ZMYM2: variants seen among roughly 807,000 people sequenced by gnomAD.
The protein encoded by ZMYM2 is zinc finger MYM-type containing 2, also known as zinc finger MYM-type protein 2.
ZMYM2 carries 56 observed loss-of-function variants against 162.8 expected under a neutral mutation model. The observed-to-expected ratio is 0.34, with a 90% CI of 0.28 to 0.43. ZMYM2 has a LOEUF of 0.43. Ranked by LOEUF, ZMYM2 falls within the 20% of genes least tolerant of loss-of-function variation. The pLI, the probability that ZMYM2 is intolerant of heterozygous loss-of-function variation, is 1.00. For missense variants in ZMYM2, 1,275 were observed against 1,621.8 expected (o/e 0.79, Z 3.67); for synonymous variants, 510 against 541.6 (o/e 0.94, Z 0.81).
chr13:19,954,406 G>A (rs367894360), upstream of ZMYM2, among the ~76,000 whole-genome samples: 29 of 151,874 alleles, frequency 1.9e-4, no homozygotes, highest in East Asian at 1.6e-3. Flanking sequence ...ATGAGCCACC[G>A]CGCCTGGCCT....
intron 12 of ZMYM2, among the ~76,000 whole-genome samples, chr13:20,040,230 G>T (rs180831602): frequency 1.3e-5 from 2 of 152,064 alleles, no homozygotes; most frequent in Admixed American, 1.3e-4. Context: ...ACTTTTTTTG[G>T]TTGGTAGGGT....
chr13:20,058,196 A>G (rs1380548765), intron 14 of ZMYM2, among the ~76,000 whole-genome samples: 1 of 152,224 alleles, frequency 6.6e-6, no homozygotes, highest in Non-Finnish European at 1.5e-5. Context: ...GAGAGCCATA[A>G]TAACTGTTGG....
chr13:20,083,668 C>T lies in ZMYM2; in HGVS notation c.3833C>T (p.Thr1278Ile). ...CGTDNEDKITTGKRKHEDDEP... is the reference protein window; with the variant it reads ...CGTDNEDKITIGKRKHEDDEP... ...TTTATTTTTTAAGATAAAATTACTA[C>T]TGGAAAAAGAAAACATGAAGATGAT... is the stretch of plus-strand genomic sequence containing the variant. Residue 1278 changes from threonine to isoleucine, a missense_variant, in exon 24 of 25, where the codon ACT (threonine) becomes ATT (isoleucine). By Grantham distance (89) the Thr-to-Ile change is moderately conservative. Coordinates refer to ENST00000610343, the MANE Select transcript of ZMYM2 (RefSeq NM_197968.4). 1 of 1,533,204 alleles carries T rather than the reference C, an allele frequency of 6.5e-7. No homozygotes were observed. The highest frequency in any genetic ancestry group is 8.9e-7 in the Non-Finnish European group (1 of 1,127,432). 95.0% of individuals were successfully genotyped at this position (1,533,204 alleles called of 1,614,324 possible). A position where few individuals can be genotyped will look rare whatever the true frequency, so the allele number is the denominator to read the frequency against.
chr13:20,034,350 ACT>A lies in ZMYM2; in HGVS notation c.2068_2069del (p.Leu690SerfsTer2), dbSNP rs1474114489. The A allele has an allele frequency of 6.2e-7, 1 of 1,610,188 alleles. No homozygotes were observed. Among genetic ancestry groups the A allele is most frequent in the Non-Finnish European group, 8.5e-7 (1 of 1,178,690 alleles). ...TYCEYCQEEK[T>X]LHETVNFSGV... ...TTGCGAATACTGTCAAGAGGAGAAG[ACT>A]CTTCATGAAACAGTAAATTTCTCTG... is the stretch of plus-strand genomic sequence containing the variant. On this transcript the variant is annotated frameshift_variant, in exon 11 of 25. Transcript: ENST00000610343. LOFTEE classifies it high-confidence loss of function.
intron 2 of ZMYM2, among the ~76,000 whole-genome samples, chr13:19,969,038 C>T (rs1014862567): frequency 5.9e-5 from 9 of 152,124 alleles, no homozygotes; most frequent in Admixed American, 2.0e-4. Flanking sequence ...TATCTTTATG[C>T]AGTAAGAAAT....
chr13:19,903,619 G>A, the ZMYM2 span, among the ~76,000 whole-genome samples: 2 of 151,496 alleles, frequency 1.3e-5, no homozygotes, highest in African/African-American at 4.8e-5. Flanking sequence ...TATAATCCTA[G>A]CACTTTGGGA....
intron 6 of ZMYM2, among the ~76,000 whole-genome samples, chr13:20,008,074 A>G (rs920315685): frequency 6.6e-5 from 10 of 152,234 alleles, no homozygotes; most frequent in African/African-American, 2.4e-4. Flanking sequence ...ATAGGTGAGT[A>G]GACTACAATT....
chr13:19,872,769 C>T, the ZMYM2 span, among the ~76,000 whole-genome samples: 71 of 152,166 alleles, frequency 4.7e-4, 1 homozygote, highest in African/African-American at 1.6e-3. Context: ...GAGGCTGAGT[C>T]GGGTAGATCA....
Position 19,994,646 on chromosome 13 carries a change from C to T in ZMYM2, c.847+727C>T, listed in dbSNP as rs148358365. 1.6e-3 allele frequency among the ~76,000 whole-genome samples: 247 copies of T among 152,080 alleles called. 1 individual carries two copies. The Middle Eastern group carries it at 0.017, about 11-fold the overall frequency. ...CTGGGATTATAGGCGTCCACCACCA[C>T]GCATGGCTAATTTTTGTATTTTGTA... On this transcript the variant is annotated intron_variant, in intron 3 of 24. Transcript: ENST00000610343.
chr13:19,954,330 G>GCGTTAGCCAGGA (rs1954474779), upstream of ZMYM2, among the ~76,000 whole-genome samples: 1 of 150,942 alleles, frequency 6.6e-6, no homozygotes, highest in South Asian at 2.1e-4. Flanking sequence ...GGGTTTCACC[G>GCGTTAGCCAGGA]TGGTCTCGAT....
chr13:19,995,568 G>A (rs557934530), intron 3 of ZMYM2, among the ~76,000 whole-genome samples: 63 of 152,110 alleles, frequency 4.1e-4, no homozygotes, highest in African/African-American at 1.5e-3. Flanking sequence ...TAGTAGAGAC[G>A]GGGTTTCACC....
intron 2 of ZMYM2, among the ~76,000 whole-genome samples, chr13:19,988,998 A>G (rs1391594592): frequency 6.6e-6 from 1 of 152,146 alleles, no homozygotes; most frequent in Non-Finnish European, 1.5e-5. Context: ...AGATTAAAGC[A>G]GAATCCAAAG....
intron 2 of ZMYM2, among the ~76,000 whole-genome samples, chr13:19,990,197 G>C (rs1949495642): frequency 6.6e-6 from 1 of 152,158 alleles, no homozygotes; most frequent in Non-Finnish European, 1.5e-5. Context: ...TACCTGTTTT[G>C]ATTACTGATT....
intron 12 of ZMYM2, among the ~76,000 whole-genome samples, chr13:20,037,430 G>C (rs1353639938): frequency 2.0e-5 from 3 of 151,700 alleles, no homozygotes; most frequent in Non-Finnish European, 4.4e-5. Context: ...TGGCCAGGTT[G>C]GTCTCGAACT....
the ZMYM2 span, among the ~76,000 whole-genome samples, chr13:19,947,790 G>A: frequency 2.0e-5 from 3 of 152,048 alleles, no homozygotes; most frequent in Middle Eastern, 3.4e-3. Flanking sequence ...CACTGCGCCC[G>A]GCCGCTATGT....
Position 19,986,385 on chromosome 13 carries a change from A to T in ZMYM2, c.-10-6678A>T, listed in dbSNP as rs2146863. Among the ~76,000 whole-genome samples, 3 of 151,694 alleles carry T rather than the reference A, an allele frequency of 2.0e-5. No homozygotes were observed. In the South Asian group the frequency reaches 6.3e-4, roughly 32 times the overall value. Reference sequence around the variant, plus strand: ...ACAAACAAAAACAAAAAAAAAAAGAAGGGTGATTATTTACTTTACCCAAAG... The same window carrying T: ...ACAAACAAAAACAAAAAAAAAAAGATGGGTGATTATTTACTTTACCCAAAG... On this transcript the variant is annotated intron_variant, in intron 2 of 24. Transcript: ENST00000610343.
chr13:20,051,479 G>A lies in ZMYM2; in HGVS notation c.2339G>A (p.Arg780Gln), dbSNP rs781484340. Reference sequence around the variant, plus strand: ...AAATCTCAAGGAACTCTTAAAGAGCGAGTTCAGTGGCGTGGGGAAATGAAA... The same window carrying A: ...AAATCTCAAGGAACTCTTAAAGAGCAAGTTCAGTGGCGTGGGGAAATGAAA... ...CCKSQGTLKE[R>Q]VQWRGEMKHF... Residue 780 changes from arginine (R) to glutamine (Q), a missense_variant, in exon 13 of 25, where the codon CGA becomes CAA. This residue lies in a region of ZMYM2 where 177 missense variants were observed against 228.0 expected (regional missense o/e 0.78). Transcript: ENST00000610343. The A allele has an allele frequency of 1.7e-5, 28 of 1,613,338 alleles. No individual in the cohort carries two copies. The South Asian group carries it at 2.6e-4, about 15-fold the overall frequency.
the ZMYM2 span, among the ~76,000 whole-genome samples, chr13:19,898,932 CTT>C: frequency 1.6e-4 from 21 of 134,552 alleles, no homozygotes; most frequent in Admixed American, 2.3e-4. Flanking sequence ...GACCCCACTT[CTT>C]TTTTTTTTTT....
chr13:20,024,124 G>A (rs1039581196), intron 7 of ZMYM2, among the ~76,000 whole-genome samples: 22 of 152,054 alleles, frequency 1.4e-4, no homozygotes, highest in African/African-American at 4.1e-4. Flanking sequence ...TAGTAGAGAC[G>A]GGGTTTTGCC....
Sources: gnomAD v4.1 joint callset for allele counts (sites outside exome capture counted in the v4.1 genomes callset) on GRCh38, gnomAD v4.1.1 for gene constraint, gnomAD v4.1.1 regional missense constraint, MANE v1.5 for transcripts, NCBI Gene and HGNC (gene_info 2026-07-23, HGNC 2026-07-21) for gene names.